PKIB: variants seen among roughly 807,000 people sequenced by gnomAD.
PKIB encodes PKI-beta.
Under a neutral mutation model 4.5 loss-of-function variants are expected in PKIB, and 2 were observed. The observed-to-expected ratio is 0.44, with a 90% confidence interval of 0.18 to 1.39. The LOEUF is 1.39. PKIB is among the 40% of genes most tolerant of loss of function. PKIB has a pLI of 0.27. For missense variants in PKIB, 94 were observed against 92.6 expected, an observed-to-expected ratio of 1.02 and a Z score of -0.06; for synonymous variants, 38 against 36.0, an observed-to-expected ratio of 1.06 and a Z score of -0.20.
At chr6:122,555,702 C>A (rs530590161) in intron 2 of PKIB, among the ~76,000 whole-genome samples, 1 of 152,248 alleles carries the variant, frequency 6.6e-6, no homozygotes, top group African/African-American at 2.4e-5. Flanking sequence ...AGGACTTTAG[C>A]CTTTGGTTCT....
chr6:122,582,977 T>C (rs1046680868), intron 2 of PKIB, among the ~76,000 whole-genome samples: 1 of 152,070 alleles, frequency 6.6e-6, no homozygotes, highest in Non-Finnish European at 1.5e-5. Flanking sequence ...CTTCTGAATA[T>C]TGATTAATAC....
At chr6:122,696,997 G>A (rs976873353) in intron 3 of PKIB, among the ~76,000 whole-genome samples, 1 of 152,160 alleles carries the variant, frequency 6.6e-6, no homozygotes, top group Non-Finnish European at 1.5e-5. Flanking sequence ...CCAACAGCAA[G>A]TTATTAGTCA....
intron 2 of PKIB, among the ~76,000 whole-genome samples, chr6:122,583,350 A>C (rs1420216548): frequency 2.6e-5 from 4 of 152,074 alleles, no homozygotes; most frequent in Non-Finnish European, 5.9e-5. Context: ...TACATTCTTA[A>C]TAGCAATTTT....
At chr6:122,630,801 T>C (rs1175759026) in intron 1 of PKIB, among the ~76,000 whole-genome samples, 1 of 152,168 alleles carries the variant, frequency 6.6e-6, no homozygotes, top group African/African-American at 2.4e-5. Flanking sequence ...CAGTATACTG[T>C]TTGGCTAATT....
intron 2 of PKIB, among the ~76,000 whole-genome samples, chr6:122,646,628 G>C (rs1048763626): frequency 6.6e-6 from 1 of 152,120 alleles, no homozygotes. Context: ...AAAAATCCGT[G>C]TTTCTTTTTA....
chr6:122,480,450 G>A (rs1005706564), intron 2 of PKIB: 4 of 152,132 alleles, frequency 2.6e-5, no homozygotes, highest in African/African-American at 4.8e-5. Flanking sequence ...AGTAATCGAT[G>A]CATACATATG....
intron 2 of PKIB, among the ~76,000 whole-genome samples, chr6:122,522,166 C>G (rs1393586160): frequency 6.6e-6 from 1 of 151,832 alleles, no homozygotes; most frequent in African/African-American, 2.4e-5. Context: ...AAACATAAAG[C>G]GAGAAATGCA....
At chr6:122,488,345 C>T (rs758825594) in intron 2 of PKIB, among the ~76,000 whole-genome samples, 2 of 152,066 alleles carry the variant, frequency 1.3e-5, no homozygotes, top group Non-Finnish European at 2.9e-5. Flanking sequence ...CTATTTGCTA[C>T]GTATTTGGCA....
At chr6:122,570,595 T>C (rs530164150) in intron 2 of PKIB, among the ~76,000 whole-genome samples, 32 of 152,210 alleles carry the variant, frequency 2.1e-4, no homozygotes, top group Admixed American at 8.5e-4. Flanking sequence ...ACAACAAGCA[T>C]CTGGAAAAGC....
At chr6:122,512,628 T>C (rs1262081658) in intron 2 of PKIB, among the ~76,000 whole-genome samples, 1 of 152,226 alleles carries the variant, frequency 6.6e-6, no homozygotes, top group African/African-American at 2.4e-5. Flanking sequence ...CAATACATGC[T>C]CTGTCCCTTC....
At chr6:122,526,506 A>T (rs1171980274) in intron 2 of PKIB, among the ~76,000 whole-genome samples, 2 of 152,150 alleles carry the variant, frequency 1.3e-5, no homozygotes, top group Admixed American at 1.3e-4. Context: ...GCACAAAAAC[A>T]ACATTAATTT....
intron 2 of PKIB, among the ~76,000 whole-genome samples, chr6:122,513,484 A>C (rs1776649267): frequency 6.6e-6 from 1 of 152,206 alleles, no homozygotes; most frequent in South Asian, 2.1e-4. Flanking sequence ...CTTTTACTTT[A>C]AATACAGGGG....
chr6:122,700,733 T>G (rs1055440863), intron 3 of PKIB, among the ~76,000 whole-genome samples: 2 of 152,218 alleles, frequency 1.3e-5, no homozygotes, highest in Non-Finnish European at 2.9e-5. Context: ...CTAGGTGAAA[T>G]TGGAGCTTTC....
intron 2 of PKIB, among the ~76,000 whole-genome samples, chr6:122,534,641 A>C (rs532489279): frequency 9.9e-5 from 15 of 152,040 alleles, no homozygotes; most frequent in Non-Finnish European, 2.1e-4. Flanking sequence ...GCCAAATACA[A>C]TACTTTCATT....
At chr6:122,691,246 T>G (rs1344360513) in intron 3 of PKIB, among the ~76,000 whole-genome samples, 2 of 152,096 alleles carry the variant, frequency 1.3e-5, no homozygotes, top group East Asian at 1.9e-4. Flanking sequence ...TTTGAGAAAT[T>G]TTCATTATCT....
chr6:122,532,496 C>A (rs1777288526), intron 2 of PKIB, among the ~76,000 whole-genome samples: 1 of 152,128 alleles, frequency 6.6e-6, no homozygotes, highest in African/African-American at 2.4e-5. Flanking sequence ...GAATGAAATT[C>A]TGTACTCATT....
intron 2 of PKIB, among the ~76,000 whole-genome samples, chr6:122,538,196 G>T (rs936130692): frequency 1.3e-5 from 2 of 152,046 alleles, no homozygotes; most frequent in African/African-American, 4.8e-5. Context: ...GATCCCATTT[G>T]TCAATTTTGG....
At chr6:122,677,976 C>T (rs62423869) in intron 3 of PKIB, among the ~76,000 whole-genome samples, 9 of 151,684 alleles carry the variant, frequency 5.9e-5, no homozygotes, top group African/African-American at 1.7e-4. Context: ...GGCGAGATCT[C>T]GGCTCACTGC....
chr6:122,635,922 C>T (rs1775901194), intron 2 of PKIB, among the ~76,000 whole-genome samples: 3 of 152,070 alleles, frequency 2.0e-5, no homozygotes, highest in Admixed American at 6.5e-5. Context: ...ACTACATGAC[C>T]AATTTCATCA....
Sources: gnomAD v4.1 joint callset for allele counts (sites outside exome capture counted in the v4.1 genomes callset) on GRCh38, gnomAD v4.1.1 for gene constraint, MANE v1.5 for transcripts, NCBI Gene and HGNC (gene_info 2026-07-23, HGNC 2026-07-21) for gene names.